The following DCUN1D2 variants were observed in gnomAD, a reference collection of about 807,000 sequenced individuals.
DCUN1D2 encodes defective in cullin neddylation 1 domain containing 2.
Under a neutral mutation model 30.9 loss-of-function variants are expected in DCUN1D2, and 29 were observed. The observed-to-expected ratio is 0.94, with a 90% CI of 0.70 to 1.28. The LOEUF (loss-of-function observed/expected upper bound fraction) is 1.28. Ranked by LOEUF, DCUN1D2 falls within the 50% of genes most tolerant of loss-of-function variation. The pLI is 0.00. For synonymous variants in DCUN1D2, 121 were observed against 115.3 expected (o/e 1.05, Z -0.32); for missense variants, 325 against 316.9 (o/e 1.03, Z -0.19).
rs1276975235 is a variant in DCUN1D2, at chr13:113,483,894, T to C, written c.166A>G (p.Met56Val). ...QNPDSLHRES[M>V]RNAVDKKKLE... ...TTCTTCTTGTCCACAGCGTTCCGCA[T>C]GGACTCCCTGTGGAGCGAGTCTGGG... is the stretch of plus-strand genomic sequence containing the variant. Residue 56 changes from methionine (M) to valine (V), a missense_variant, in exon 2 of 7, where the codon ATG (methionine) becomes GTG (valine). Coordinates refer to ENST00000478244, the MANE Select transcript of DCUN1D2 (RefSeq NM_001014283.2). 1.9e-6 allele frequency: 3 copies of C among 1,613,702 alleles called. No homozygotes were observed. Among genetic ancestry groups the C allele is most frequent in the East Asian group, 2.2e-5 (1 of 44,902 alleles).
Position 113,456,348 on chromosome 13 carries a change from T to A in DCUN1D2, c.*1681A>T, listed in dbSNP as rs995247045. The A allele has an allele frequency of 1.6e-4, 62 of 398,770 alleles. No homozygotes were observed. The highest frequency in any genetic ancestry group is 1.2e-3 in the African/African-American group (60 of 48,766). 24.7% of individuals were successfully genotyped at this position (398,770 alleles called of 1,614,324 possible). ...CTGTGACCATCTCTGCTAAGAAACA[T>A]CGACAGTTCGTCCTGCAGCCTCCAA... On this transcript the variant is annotated 3_prime_UTR_variant, in exon 7 of 7. Coordinates refer to ENST00000478244, the MANE Select transcript of DCUN1D2 (RefSeq NM_001014283.2).
At position 113,490,484 on chromosome 13, in the gene DCUN1D2, G is replaced by A. The variant is rs754684376; in HGVS notation, c.3+183C>T. The A allele has an allele frequency of 8.2e-6, 5 of 609,430 alleles. No homozygotes were observed. The South Asian group carries it at 1.7e-4, about 20-fold the overall frequency. The allele number at this position is 609,430 out of a possible 1,614,324, so 37.8% of individuals were successfully genotyped here. A position where few individuals can be genotyped will look rare whatever the true frequency, so the allele number is the denominator to read the frequency against. The stretch of plus-strand genomic sequence containing the variant: ...TCAAACCCGCGCTCCCCGCGGTCCC[G>A]CGCCTCCGACGCCACCGCTCCGGCT... On this transcript the variant is annotated intron_variant, in intron 1 of 6. Transcript: ENST00000478244. This position sits in a 1 kb window ranked among gnomAD's most constrained non-coding sequence, Gnocchi z 5.2.
At chr13:113,483,705 G>T (rs933530742) in intron 2 of DCUN1D2, 135 bp downstream of exon 2, 21 of 774,800 alleles carry the variant, frequency 2.7e-5, no homozygotes, top group Non-Finnish European at 1.7e-5. Context: ...GCAGCTGAGC[G>T]CCGAGCGCTG....
At chr13:113,478,965 GTTTCCCACATT>G (rs1254811129) in intron 3 of DCUN1D2, 1 of 151,838 alleles carries the variant, frequency 6.6e-6, no homozygotes, top group Non-Finnish European at 1.5e-5. Context: ...ATGCAGTCCA[GTTTCCCACATT>G]TGGGAAAACC....
At chr13:113,461,157 G>C in intron 4 of DCUN1D2, 21 bp from the exon 5 acceptor site, 1 of 1,502,030 alleles carries the variant, frequency 6.7e-7, no homozygotes, top group Non-Finnish European at 9.2e-7. Flanking sequence ...GAAAGAAAGA[G>C]CAGTTAGTAA....
chr13:113,468,637 T>C (rs904051520), intron 4 of DCUN1D2, among the ~76,000 whole-genome samples: 1 of 150,368 alleles, frequency 6.7e-6, no homozygotes, highest in Non-Finnish European at 1.5e-5. Flanking sequence ...AAGCGGCCTA[T>C]GAGGACGCAG....
intron 3 of DCUN1D2, among the ~76,000 whole-genome samples, chr13:113,479,325 G>A (rs2259620): frequency 0.34 from 51,404 of 151,890 alleles, 10,884 homozygotes; most frequent in African/African-American, 0.61. Flanking sequence ...ACATAAAAAC[G>A]TAAGTGTGAC....
intron 5 of DCUN1D2, among the ~76,000 whole-genome samples, chr13:113,459,898 C>G (rs1446749824): frequency 6.6e-6 from 1 of 152,134 alleles, no homozygotes; most frequent in Non-Finnish European, 1.5e-5. Flanking sequence ...TCCATCGCAC[C>G]AATATTCTGA....
At position 113,483,874 on chromosome 13, in the gene DCUN1D2, C is replaced by G. The variant is rs1383921891; in HGVS notation, c.186G>C (p.Lys62Asn). The G allele has an allele frequency of 1.2e-6, 2 of 1,613,078 alleles. No individual in the cohort carries two copies. Among genetic ancestry groups the G allele is most frequent in the African/African-American group, 2.7e-5 (2 of 74,916 alleles). ...TGCCGTACAGCCGCTCCAGCTTCTTCTTGTCCACAGCGTTCCGCATGGACT... is the reference window on the plus strand; with the variant it reads ...TGCCGTACAGCCGCTCCAGCTTCTTGTTGTCCACAGCGTTCCGCATGGACT... ...HRESMRNAVD[K>N]KKLERLYGRY... The change falls in exon 2 of 7, where the codon AAG becomes AAC. Residue 62 changes from lysine to asparagine, a missense_variant. By Grantham distance (94) the Lys-to-Asn change is moderately conservative. Coordinates refer to ENST00000478244, the MANE Select transcript of DCUN1D2 (RefSeq NM_001014283.2).
In DCUN1D2 at chr13:113,490,345, T is replaced by C. The variant is rs1020528474; in HGVS notation, c.3+322A>G. 1.9e-5 allele frequency: 5 copies of C among 260,252 alleles called. No homozygotes were observed. Among genetic ancestry groups the C allele is most frequent in the Non-Finnish European group, 3.6e-5 (5 of 138,136 alleles). The allele number at this position is 260,252 out of a possible 1,614,324, so 16.1% of individuals were successfully genotyped here. A position where few individuals can be genotyped will look rare whatever the true frequency, so the allele number is the denominator to read the frequency against. ...TCGACTGCCCGTTTCGAAGCCGCCC[T>C]GGGAAGCCCCCGGCCTGGGTTCCCG... On this transcript the variant is annotated intron_variant, in intron 1 of 6. Transcript: ENST00000478244. The surrounding 1 kb of genome is among the most constrained non-coding windows in gnomAD (Gnocchi z 5.2).
chr13:113,483,771 TG>T (rs2044751118), intron 2 of DCUN1D2, 68 bp downstream of exon 2: 2 of 1,495,024 alleles, frequency 1.3e-6, no homozygotes, highest in Non-Finnish European at 1.8e-6. Context: ...ACCAGAACCC[TG>T]GAAGTGCAGC....
chr13:113,490,966 C>G, upstream of DCUN1D2: 1 of 192,208 alleles, frequency 5.2e-6, no homozygotes, highest in Non-Finnish European at 1.1e-5. This position sits in a 1 kb window ranked among gnomAD's most constrained non-coding sequence, Gnocchi z 5.2. Flanking sequence ...CGCCCGCGGC[C>G]GACGGGACCC....
intron 4 of DCUN1D2, among the ~76,000 whole-genome samples, chr13:113,464,629 C>T (rs1403460386): frequency 1.3e-5 from 2 of 152,260 alleles, no homozygotes; most frequent in Non-Finnish European, 2.9e-5. Flanking sequence ...ACACGGCAGC[C>T]TCTGCAGGCC....
rs372485285 is a variant in DCUN1D2 at position 113,484,073 on chromosome 13, A to G, written c.4-17T>C. On this transcript the variant is annotated splice_polypyrimidine_tract_variant and intron_variant, in intron 1 of 6. Transcript: ENST00000478244. ...AAGCTTATGCTTTGGGATGCAAAAG[A>G]AGTAGGAAAGCCAATGAAGCCGCTC... is the stretch of plus-strand genomic sequence containing the variant. 4 of 1,612,212 alleles carry G rather than the reference A, an allele frequency of 2.5e-6. No homozygotes were observed. The highest frequency in any genetic ancestry group is 2.2e-5 in the South Asian group (2 of 91,054).
intron 1 of DCUN1D2, chr13:113,489,219 A>G (rs1207306131): frequency 2.1e-5 from 19 of 896,908 alleles, no homozygotes. Context: ...TGGATCTCCA[A>G]CCTCGGCAGC....
chr13:113,469,144 G>GCA (rs151101835), intron 4 of DCUN1D2, among the ~76,000 whole-genome samples: 24,552 of 147,808 alleles, frequency 0.17, 2,616 homozygotes, highest in African/African-American at 0.28. Context: ...CTACACGCCT[G>GCA]CACACACACA....
chr13:113,458,301 C>G (rs1198074237), intron 6 of DCUN1D2, among the ~76,000 whole-genome samples, 193 bp from the exon 7 acceptor site: 1 of 152,222 alleles, frequency 6.6e-6, no homozygotes, highest in Non-Finnish European at 1.5e-5. Flanking sequence ...GTCGGGAGCC[C>G]TGGTGTGTGT....
chr13:113,461,782 A>G (rs2044322287), intron 4 of DCUN1D2, among the ~76,000 whole-genome samples: 1 of 152,220 alleles, frequency 6.6e-6, no homozygotes, highest in Admixed American at 6.5e-5. Context: ...CACGACTTCT[A>G]TATAAATCTC....
intron 4 of DCUN1D2, among the ~76,000 whole-genome samples, chr13:113,468,313 G>C (rs2044441846): frequency 6.6e-6 from 1 of 152,138 alleles, no homozygotes; most frequent in South Asian, 2.1e-4. Flanking sequence ...CCACTTACGT[G>C]AGGTCCCAAG....
Sources: gnomAD v4.1 joint callset for allele counts (sites outside exome capture counted in the v4.1 genomes callset) on GRCh38, gnomAD v4.1.1 for gene constraint, Gnocchi (gnomAD v3.1) non-coding constraint, MANE v1.5 for transcripts, NCBI Gene and HGNC (gene_info 2026-07-23, HGNC 2026-07-21) for gene names.